Variants in VIT observed in about 807,000 individuals in gnomAD.
The protein encoded by VIT is vitrin.
Under a neutral mutation model 78.0 loss-of-function variants are expected in VIT, and 99 were observed. The observed-to-expected ratio is 1.27, with a 90% CI of 1.08 to 1.50. The LOEUF is 1.50. Ranked by LOEUF, VIT falls within the 40% of genes most tolerant of loss-of-function variation. VIT has a pLI of 0.00. For synonymous variants in VIT, 374 were observed against 334.3 expected (o/e 1.12, Z -1.29); for missense variants, 1,126 against 875.3 (o/e 1.29, Z -3.61).
At chr2:36,733,321 T>C (rs1667316319) in intron 3 of VIT, among the ~76,000 whole-genome samples, 2 of 152,054 alleles carry the variant, frequency 1.3e-5, no homozygotes, top group Non-Finnish European at 2.9e-5. Context: ...TCTCTCTTTC[T>C]CTCTCTTGCT....
Position 36,743,090 on chromosome 2 carries a change from G to T in VIT, c.119-10G>T, listed in dbSNP as rs191510058. 6.2e-7 allele frequency: 1 copy of T among 1,613,692 alleles called. No homozygotes were observed. The highest frequency in any genetic ancestry group is 1.3e-5 in the African/African-American group (1 of 74,898). ...CAAGGTGTAATTTTGACCTCATTTT[G>T]TATTCCCAGCTGTGCCTCAGATCAA... On this transcript the variant is annotated splice_polypyrimidine_tract_variant and intron_variant, in intron 3 of 15. Transcript: ENST00000379242.
chr2:36,725,853 C>T (rs920630835), intron 2 of VIT, among the ~76,000 whole-genome samples: 3 of 152,054 alleles, frequency 2.0e-5, no homozygotes, highest in African/African-American at 7.2e-5. Flanking sequence ...AGGAGGATCG[C>T]CTGAGGTCAG....
At chr2:36,760,595 T>C (rs1669057236) in intron 6 of VIT, among the ~76,000 whole-genome samples, 1 of 152,176 alleles carries the variant, frequency 6.6e-6, no homozygotes, top group South Asian at 2.1e-4. Flanking sequence ...GTGACAGGTC[T>C]CCTTAAGTGG....
chr2:36,772,403 G>T (rs533459756), intron 7 of VIT, among the ~76,000 whole-genome samples: 1 of 152,164 alleles, frequency 6.6e-6, no homozygotes, highest in South Asian at 2.1e-4. Flanking sequence ...GGGCATGGTG[G>T]CACATGCTTG....
chr2:36,813,921 C>A (rs555289953), intron 15 of VIT, among the ~76,000 whole-genome samples: 2 of 152,114 alleles, frequency 1.3e-5, no homozygotes, highest in Non-Finnish European at 2.9e-5. Context: ...ACTATAAACT[C>A]CTGAGATAAC....
chr2:36,792,471 C>T (rs558186313), intron 12 of VIT, among the ~76,000 whole-genome samples: 4 of 152,090 alleles, frequency 2.6e-5, no homozygotes, highest in Admixed American at 1.3e-4. Context: ...GACTTCCACC[C>T]CTCCCCTTTC....
chr2:36,725,283 A>G (rs1666760990), intron 2 of VIT, among the ~76,000 whole-genome samples: 1 of 152,200 alleles, frequency 6.6e-6, no homozygotes, highest in Non-Finnish European at 1.5e-5. Flanking sequence ...AGTCTGCTAT[A>G]CAAAACTGCT....
chr2:36,802,190 A>G (rs756916380), intron 13 of VIT, among the ~76,000 whole-genome samples: 10 of 152,206 alleles, frequency 6.6e-5, no homozygotes, highest in Non-Finnish European at 1.5e-4. Context: ...ATTCCATTTT[A>G]TGTTTATCCA....
At chr2:36,759,209 C>T in intron 6 of VIT, 163 bp downstream of exon 6, 1 of 1,561,602 alleles carries the variant, frequency 6.4e-7, no homozygotes, top group African/African-American at 1.4e-5. Flanking sequence ...TCAATGAGAT[C>T]AGATGGCTGG....
In VIT at chr2:36,789,992, C is replaced by T. The variant is rs1665375911; in HGVS notation, c.1058+2716C>T. Among the ~76,000 whole-genome samples, 3 of 152,144 alleles carry T rather than the reference C, an allele frequency of 2.0e-5. No homozygotes were observed. In the South Asian group the frequency reaches 6.2e-4, roughly 32 times the overall value. On this transcript the variant is annotated intron_variant, in intron 12 of 15. Coordinates refer to ENST00000379242, the MANE Select transcript of VIT (RefSeq NM_053276.4). ...ACACAGCTTCCTGGAAGATTCCTTC[C>T]TTGGGTTTCCTTAGGAGAGCTGAGT...
At chr2:36,813,149 T>C (rs968058222) in intron 15 of VIT, among the ~76,000 whole-genome samples, 1 of 150,866 alleles carries the variant, frequency 6.6e-6, no homozygotes, top group South Asian at 2.1e-4. Context: ...CTGTTTTTGC[T>C]TTTTTAAAAA....
intron 6 of VIT, 50 bp downstream of exon 6, chr2:36,759,096 G>T (rs188101772): frequency 6.2e-6 from 10 of 1,614,044 alleles, no homozygotes; most frequent in African/African-American, 1.3e-5. Context: ...CCATGAACAC[G>T]CGACGTGTTT....
intron 1 of VIT, among the ~76,000 whole-genome samples, chr2:36,705,056 G>A (rs899879837): frequency 1.1e-4 from 17 of 152,238 alleles, no homozygotes; most frequent in Middle Eastern, 3.4e-3. Context: ...AGGGAAGAAC[G>A]GGGAGGAGGC....
rs922520409 is a variant in VIT, at chr2:36,699,000, T to A, written c.-19+2027T>A. Reference sequence around the variant, plus strand: ...ATGTAATCTTTTATTCCCCACATATTAAAAAAAAAAAGATTACTTTAGAAA... The same window carrying A: ...ATGTAATCTTTTATTCCCCACATATAAAAAAAAAAAAGATTACTTTAGAAA... On this transcript the variant is annotated intron_variant, in intron 1 of 15. Transcript: ENST00000379242. Among the ~76,000 whole-genome samples, 17 of 149,058 alleles carry A rather than the reference T, an allele frequency of 1.1e-4. No homozygotes were observed. The East Asian group carries it at 3.4e-3, about 30-fold the overall frequency.
At chr2:36,813,293 T>C (rs1007524218) in intron 15 of VIT, among the ~76,000 whole-genome samples, 2 of 151,750 alleles carry the variant, frequency 1.3e-5, no homozygotes, top group Non-Finnish European at 2.9e-5. Flanking sequence ...CTACTAAAAA[T>C]ACAAAAATTA....
At chr2:36,798,951 C>G (rs1292009646) in intron 12 of VIT, among the ~76,000 whole-genome samples, 3 of 152,144 alleles carry the variant, frequency 2.0e-5, no homozygotes, top group Non-Finnish European at 4.4e-5. Context: ...CTCAACACCC[C>G]CATTTCCCCC....
At chr2:36,783,512 A>T in intron 11 of VIT, 110 bp downstream of exon 11, 1 of 1,040,928 alleles carries the variant, frequency 9.6e-7, no homozygotes, top group Admixed American at 2.0e-5. Context: ...CCGTGGATCT[A>T]TTTATCTCCT....
chr2:36,795,201 T>C (rs1276206258), intron 12 of VIT, among the ~76,000 whole-genome samples: 1 of 152,142 alleles, frequency 6.6e-6, no homozygotes, highest in Non-Finnish European at 1.5e-5. Flanking sequence ...CTCCTTAAAG[T>C]TTAAATTTAT....
At chr2:36,712,649 A>G (rs1665876734) in intron 1 of VIT, among the ~76,000 whole-genome samples, 1 of 152,162 alleles carries the variant, frequency 6.6e-6, no homozygotes, top group Non-Finnish European at 1.5e-5. Flanking sequence ...CGGCCTGGCC[A>G]ACATGCTAAA....
Sources: allele counts gnomAD v4.1 joint callset (sites outside exome capture counted in the v4.1 genomes callset), GRCh38; gene constraint gnomAD v4.1.1; transcripts MANE v1.5; gene names NCBI Gene and HGNC (gene_info 2026-07-23, HGNC 2026-07-21).